NPAS3: variants seen among roughly 807,000 people sequenced by gnomAD.
The protein encoded by NPAS3 is neuronal PAS domain protein 3, also known as neuronal PAS domain-containing protein 3.
Under a neutral mutation model 73.1 loss-of-function variants are expected in NPAS3, and 14 were observed. The observed-to-expected ratio is 0.19, with a 90% CI of 0.13 to 0.30. The LOEUF (loss-of-function observed/expected upper bound fraction) is 0.30. NPAS3 is among the 10% of genes least tolerant of loss of function. The probability of loss-of-function intolerance (pLI) is 1.00; values close to 1 mark genes in which losing one functional copy is unlikely to be tolerated. For synonymous variants in NPAS3, 620 were observed against 541.5 expected (o/e 1.14, Z -2.01); for missense variants, 1,096 against 1,250.0 (o/e 0.88, Z 1.86).
chr14:33,326,919 G>A (rs553159584), intron 3 of NPAS3, among the ~76,000 whole-genome samples: 1 of 152,298 alleles, frequency 6.6e-6, no homozygotes, highest in African/African-American at 2.4e-5. Context: ...TGTGCAAAGG[G>A]TTGATGAGTT....
At chr14:33,666,399 A>G (rs551795054) in intron 5 of NPAS3, among the ~76,000 whole-genome samples, 6 of 152,256 alleles carry the variant, frequency 3.9e-5, no homozygotes, top group African/African-American at 1.2e-4. Context: ...TTGGTTCACA[A>G]CCACCTCTGG....
At chr14:33,643,447 C>A (rs2058735657) in intron 5 of NPAS3, among the ~76,000 whole-genome samples, 1 of 147,512 alleles carries the variant, frequency 6.8e-6, no homozygotes, top group Admixed American at 6.8e-5. Context: ...GTTAGCAGCA[C>A]TGCTAAAATA....
intron 4 of NPAS3, among the ~76,000 whole-genome samples, chr14:33,405,822 A>G (rs1394216052): frequency 6.6e-6 from 1 of 152,124 alleles, no homozygotes; most frequent in African/African-American, 2.4e-5. Context: ...GGATAACATT[A>G]AACTCAGTCT....
intron 2 of NPAS3, among the ~76,000 whole-genome samples, chr14:33,080,028 T>G (rs118107536): frequency 7.8e-4 from 119 of 152,292 alleles, no homozygotes; most frequent in Non-Finnish European, 1.4e-3. Flanking sequence ...CATAAGAAAG[T>G]TACATATAGT....
At chr14:33,274,012 C>T (rs930020759) in intron 3 of NPAS3, among the ~76,000 whole-genome samples, 6 of 152,124 alleles carry the variant, frequency 3.9e-5, no homozygotes, top group African/African-American at 1.2e-4. Flanking sequence ...ATTTGCAAAT[C>T]GGACAGCCCC....
chr14:33,602,152 A>G (rs939576454), intron 5 of NPAS3, among the ~76,000 whole-genome samples: 8 of 152,238 alleles, frequency 5.3e-5, no homozygotes, highest in African/African-American at 1.9e-4. Context: ...TGAAAATTCT[A>G]GAAATTTGCA....
intron 3 of NPAS3, among the ~76,000 whole-genome samples, chr14:33,333,074 G>A (rs2044058391): frequency 6.6e-6 from 1 of 152,214 alleles, no homozygotes; most frequent in South Asian, 2.1e-4. Context: ...AGCATCTGCA[G>A]TCCTGGTTGA....
intron 5 of NPAS3, among the ~76,000 whole-genome samples, chr14:33,649,527 C>T (rs988501318): frequency 6.6e-6 from 1 of 151,450 alleles, no homozygotes; most frequent in African/African-American, 2.4e-5. Flanking sequence ...TAGAACTCGG[C>T]TATTAATATT....
At chr14:33,254,588 A>C (rs2048707040) in intron 3 of NPAS3, among the ~76,000 whole-genome samples, 1 of 152,148 alleles carries the variant, frequency 6.6e-6, no homozygotes, top group South Asian at 2.1e-4. Context: ...CATTAAGTTA[A>C]TTATGTATTG....
At position 33,774,433 on chromosome 14, in the gene NPAS3, G is replaced by A. The variant is rs772795062; in HGVS notation, c.949G>A (p.Ala317Thr). The A allele has an allele frequency of 3.1e-6, 5 of 1,614,178 alleles. No homozygotes were observed. The highest frequency in any genetic ancestry group is 3.4e-6 in the Non-Finnish European group (4 of 1,179,994). The change falls in exon 8 of 12, where the codon GCC (alanine) becomes ACC (threonine). Residue 317 changes from alanine (A) to threonine (T), a missense_variant. This residue lies in a region of NPAS3 where 215 missense variants were observed against 260.0 expected (regional missense o/e 0.83). Coordinates refer to ENST00000356141, the Ensembl canonical transcript of NPAS3. ...CATGGGTCTCGTGGTTGTTGCGCATGCCTTGCCTCCCCCTACGATCAATGA... is the reference window on the plus strand; with the variant it reads ...CATGGGTCTCGTGGTTGTTGCGCATACCTTGCCTCCCCCTACGATCAATGA...
intron 3 of NPAS3, among the ~76,000 whole-genome samples, chr14:33,334,666 C>A (rs1244608125): frequency 6.6e-6 from 1 of 152,080 alleles, no homozygotes; most frequent in African/African-American, 2.4e-5. Context: ...GATGTTCAGG[C>A]AGTTTATTCT....
intron 2 of NPAS3, among the ~76,000 whole-genome samples, chr14:33,207,263 A>G (rs1267062455): frequency 9.3e-5 from 1 of 10,746 alleles, no homozygotes; most frequent in Non-Finnish European, 2.1e-4. Flanking sequence ...ACACACACAC[A>G]CACGCACACA....
chr14:32,936,293 T>C (rs1023386756), upstream of NPAS3, among the ~76,000 whole-genome samples: 2 of 149,256 alleles, frequency 1.3e-5, no homozygotes, highest in Non-Finnish European at 3.0e-5. Context: ...ATGCTCTGTG[T>C]ACTGTCTGAA....
chr14:33,380,267 A>G (rs550283141), intron 4 of NPAS3, among the ~76,000 whole-genome samples: 1 of 152,084 alleles, frequency 6.6e-6, no homozygotes, highest in South Asian at 2.1e-4. Context: ...GGCCTGGGTA[A>G]TACTATATTC....
chr14:33,679,609 T>A (rs2059876485), intron 6 of NPAS3, among the ~76,000 whole-genome samples: 2 of 152,224 alleles, frequency 1.3e-5, no homozygotes. Context: ...ATGGTTATTA[T>A]GAAAATGAAA....
chr14:33,666,224 T>C (rs571717683), intron 5 of NPAS3, among the ~76,000 whole-genome samples: 56 of 152,200 alleles, frequency 3.7e-4, no homozygotes, highest in Non-Finnish European at 7.5e-4. Context: ...ATCCTAGGCT[T>C]AGTCCAAGAA....
chr14:33,616,963 GC>G (rs2057937971), intron 5 of NPAS3, among the ~76,000 whole-genome samples: 2 of 152,152 alleles, frequency 1.3e-5, no homozygotes, highest in Non-Finnish European at 2.9e-5. Context: ...CAACATACCA[GC>G]TGTGCCAGCA....
At chr14:33,473,673 AAG>A (rs1220806971) in intron 4 of NPAS3, among the ~76,000 whole-genome samples, 1 of 152,168 alleles carries the variant, frequency 6.6e-6, no homozygotes, top group Non-Finnish European at 1.5e-5. Context: ...GTGTAATGGG[AAG>A]AGAGTTAGAA....
chr14:33,732,733 G>A (rs186536068), intron 6 of NPAS3, among the ~76,000 whole-genome samples: 6 of 152,242 alleles, frequency 3.9e-5, no homozygotes, highest in Admixed American at 3.3e-4. Context: ...AACACTCCCC[G>A]CTTACACCGG....
Sources: allele counts gnomAD v4.1 joint callset (sites outside exome capture counted in the v4.1 genomes callset), GRCh38; gene constraint gnomAD v4.1.1; regional missense constraint gnomAD v4.1.1; transcripts MANE v1.5; gene names NCBI Gene and HGNC (gene_info 2026-07-23, HGNC 2026-07-21).